Variants in PCDHGA6 observed in about 807,000 individuals in gnomAD.
PCDHGA6 encodes protocadherin gamma-A6.
A neutral mutation model predicts 60.6 loss-of-function variants in PCDHGA6; 41 were observed. The ratio of observed to expected loss-of-function variants is 0.68; its 90% CI spans 0.53 to 0.88. PCDHGA6 has a LOEUF of 0.88. Ranked by LOEUF, PCDHGA6 falls within the 40% of genes least tolerant of loss-of-function variation. The probability of loss-of-function intolerance (pLI) is 0.00; values close to 1 mark genes in which losing one functional copy is unlikely to be tolerated. For missense variants in PCDHGA6, 1,312 were observed against 1,203.0 expected, an observed-to-expected ratio of 1.09 and a Z score of -1.34; for synonymous variants, 594 against 524.4, an observed-to-expected ratio of 1.13 and a Z score of -1.81.
chr5:141,390,538 C>CA, intron 1 of PCDHGA6: 3 of 518,310 alleles, frequency 5.8e-6, no homozygotes, highest in Non-Finnish European at 1.0e-5. Flanking sequence ...GTTTTAACCA[C>CA]AAAGTGAAAG....
chr5:141,420,905 T>TA (rs545324172), intron 1 of PCDHGA6: 3 of 299,970 alleles, frequency 1.0e-5, no homozygotes, highest in Non-Finnish European at 1.9e-5. Flanking sequence ...GCTCTACAAA[T>TA]ACGTGTGATT....
intron 1 of PCDHGA6, chr5:141,420,380 C>T (rs1343046478): frequency 7.7e-7 from 1 of 1,306,574 alleles, no homozygotes; most frequent in Non-Finnish European, 1.0e-6. Flanking sequence ...TCATAGAGTT[C>T]GCAAAATATA....
At chr5:141,473,939 C>T (rs1301939679) in intron 1 of PCDHGA6, among the ~76,000 whole-genome samples, 2 of 152,068 alleles carry the variant, frequency 1.3e-5, no homozygotes, top group African/African-American at 2.4e-5. Context: ...TGCAGTAGCT[C>T]AGGCCTGTAG....
chr5:141,483,951 TTG>T (rs1298075162), intron 1 of PCDHGA6, among the ~76,000 whole-genome samples: 2 of 147,758 alleles, frequency 1.4e-5, no homozygotes, highest in Non-Finnish European at 3.0e-5. Flanking sequence ...GTGAATTGTG[TTG>T]TGTTTCTGTG....
intron 1 of PCDHGA6, among the ~76,000 whole-genome samples, chr5:141,471,107 G>T (rs1023848236): frequency 1.3e-5 from 2 of 148,554 alleles, no homozygotes; most frequent in East Asian, 2.0e-4. Context: ...AGAGTGCAGT[G>T]GTGCGATCTT....
chr5:141,416,532 A>T (rs3806830), intron 1 of PCDHGA6: 1 of 152,142 alleles, frequency 6.6e-6, no homozygotes, highest in Non-Finnish European at 1.5e-5. Context: ...TCTTTAATGT[A>T]TAAGGAGGCA....
chr5:141,408,329 A>G (rs2095085203), intron 1 of PCDHGA6: 1 of 1,613,698 alleles, frequency 6.2e-7, no homozygotes, highest in Admixed American at 1.7e-5. Context: ...GGAGCTGGCC[A>G]AGGGCTCGGT....
At chr5:141,510,810 A>G (rs1455434913) in intron 3 of PCDHGA6, 137 bp from the exon 4 acceptor site, 19 of 1,519,650 alleles carry the variant, frequency 1.3e-5, no homozygotes, top group Admixed American at 2.0e-5. Flanking sequence ...TACCTTGGTG[A>G]CCCCTATATT....
At chr5:141,505,567 T>A in intron 3 of PCDHGA6, 86 bp downstream of exon 3, 2 of 1,599,440 alleles carry the variant, frequency 1.3e-6, no homozygotes, top group Non-Finnish European at 1.7e-6. Context: ...ACGGACTGGA[T>A]GTCAAACCTG....
In PCDHGA6 at chr5:141,398,692, A is replaced by G. The variant is rs150385715; in HGVS notation, c.2424+22185A>G. 1.9e-3 allele frequency: 3,041 copies of G among 1,613,942 alleles called. 6 individuals carry two copies. Among genetic ancestry groups the G allele is most frequent in the Non-Finnish European group, 2.3e-3 (2,760 of 1,179,898 alleles). On this transcript the variant is annotated intron_variant, in intron 1 of 3. Coordinates refer to ENST00000517434, the MANE Select transcript of PCDHGA6 (RefSeq NM_018919.3). The stretch of plus-strand genomic sequence containing the variant: ...AATAATTAAGGAGAAACAGGATGGT[A>G]GTAAATACCCGGAACTGGCACTGGA...
intron 1 of PCDHGA6, among the ~76,000 whole-genome samples, chr5:141,466,021 G>A (rs2099115061): frequency 6.6e-6 from 1 of 151,934 alleles, no homozygotes; most frequent in Admixed American, 6.6e-5. Flanking sequence ...ACTCGGGAGG[G>A]TGAGGCAGGA....
At chr5:141,397,753 A>G (rs1052800196) in intron 1 of PCDHGA6, among the ~76,000 whole-genome samples, 9 of 152,266 alleles carry the variant, frequency 5.9e-5, no homozygotes, top group African/African-American at 9.6e-5. Flanking sequence ...AGAAGTTGTT[A>G]TAATTTTTTA....
chr5:141,378,334 C>T (rs1228314593), intron 1 of PCDHGA6: 1 of 152,202 alleles, frequency 6.6e-6, no homozygotes, highest in East Asian at 1.9e-4. Flanking sequence ...ACCAGCCTGA[C>T]CAACATGGTG....
chr5:141,434,455 G>A (rs2097695575), intron 1 of PCDHGA6, among the ~76,000 whole-genome samples: 1 of 152,192 alleles, frequency 6.6e-6, no homozygotes, highest in Admixed American at 6.5e-5. Context: ...GAAGGTAGTG[G>A]GTTTACCGGA....
chr5:141,457,498 G>A (rs193168963), intron 1 of PCDHGA6, among the ~76,000 whole-genome samples: 23 of 152,246 alleles, frequency 1.5e-4, no homozygotes, highest in African/African-American at 4.3e-4. Flanking sequence ...TAAAATGTAG[G>A]CAAAAAGCTT....
At chr5:141,473,735 A>G (rs529416084) in intron 1 of PCDHGA6, among the ~76,000 whole-genome samples, 75 of 152,352 alleles carry the variant, frequency 4.9e-4, no homozygotes, top group African/African-American at 1.6e-3. Context: ...GAGAGGGAGA[A>G]GACATGAGAA....
At position 141,413,736 on chromosome 5, in the gene PCDHGA6, G is replaced by A. The variant is rs189162146; in HGVS notation, c.2424+37229G>A. The A allele has an allele frequency of 1.9e-4, 309 of 1,613,452 alleles. No individual in the cohort carries two copies. In the African/African-American group the frequency reaches 3.0e-3, roughly 16 times the overall value. On this transcript the variant is annotated intron_variant, in intron 1 of 3. Coordinates refer to ENST00000517434, the MANE Select transcript of PCDHGA6 (RefSeq NM_018919.3). Reference sequence around the variant, plus strand: ...ATAAGCACTTCTCCCTAAGAGTTCAGAGCCGTGCCAATGGCGTCAAGTACC... The same window carrying A: ...ATAAGCACTTCTCCCTAAGAGTTCAAAGCCGTGCCAATGGCGTCAAGTACC...
chr5:141,466,947 A>C (rs2099132734), intron 1 of PCDHGA6, among the ~76,000 whole-genome samples: 1 of 152,126 alleles, frequency 6.6e-6, no homozygotes, highest in South Asian at 2.1e-4. Context: ...TGTCCAGTAA[A>C]CAGACTGCAA....
intron 1 of PCDHGA6, chr5:141,426,513 C>T (rs780618436): frequency 6.2e-5 from 21 of 341,148 alleles, no homozygotes; most frequent in Non-Finnish European, 1.1e-4. Context: ...AATACTTTAC[C>T]GTGAACACGG....
Sources: gnomAD v4.1 joint callset for allele counts (sites outside exome capture counted in the v4.1 genomes callset) on GRCh38, gnomAD v4.1.1 for gene constraint, MANE v1.5 for transcripts, NCBI Gene and HGNC (gene_info 2026-07-23, HGNC 2026-07-21) for gene names.